Variants in TMEM154 observed in about 807,000 individuals in gnomAD.
The protein encoded by TMEM154 is transmembrane protein 154.
In TMEM154, 27 loss-of-function variants were observed where a neutral mutation model predicts 24.5. That is an observed-to-expected ratio of 1.10 (90% CI 0.81 to 1.52). The LOEUF is 1.52. TMEM154 is among the 40% of genes most tolerant of loss of function. TMEM154 has a pLI of 0.00. For missense variants in TMEM154, 228 were observed against 213.4 expected (o/e 1.07, Z -0.43); for synonymous variants, 67 against 76.8 (o/e 0.87, Z 0.67).
At chr4:152,628,853 G>T (rs1264675836) in intron 6 of TMEM154, among the ~76,000 whole-genome samples, 9 of 150,596 alleles carry the variant, frequency 6.0e-5, no homozygotes, top group South Asian at 4.2e-4. Context: ...CACCATGTTA[G>T]CCAGGATGGT....
At chr4:152,661,495 C>G (rs1191892945) in intron 1 of TMEM154, among the ~76,000 whole-genome samples, 1 of 152,112 alleles carries the variant, frequency 6.6e-6, no homozygotes, top group East Asian at 1.9e-4. Context: ...GAAACTGAAT[C>G]TTGAATGTCT....
chr4:152,674,787 G>C (rs569988019), intron 1 of TMEM154, among the ~76,000 whole-genome samples: 1 of 152,238 alleles, frequency 6.6e-6, no homozygotes, highest in South Asian at 2.1e-4. Context: ...AGATAATTTG[G>C]GGTTCTGTTA....
chr4:152,648,760 A>G lies in TMEM154; in HGVS notation c.364+3778T>C, dbSNP rs138009854. 8.4e-3 allele frequency among the ~76,000 whole-genome samples: 1,277 copies of G among 152,330 alleles called. 10 individuals are homozygous for G. Among genetic ancestry groups the G allele is most frequent in the Non-Finnish European group, 0.012 (802 of 68,028 alleles). ...CACAATGAAATTCAATGAAAAATCA[A>G]TTTCTGGATTTGGAGCCTAAGAGCC... On this transcript the variant is annotated intron_variant, in intron 3 of 6. Coordinates refer to ENST00000304385, the MANE Select transcript of TMEM154 (RefSeq NM_152680.3).
intron 5 of TMEM154, among the ~76,000 whole-genome samples, chr4:152,641,617 A>AGCAAGAAGAG (rs1200262686): frequency 6.6e-6 from 1 of 151,404 alleles, no homozygotes; most frequent in Non-Finnish European, 1.5e-5. Context: ...ACAACAACAT[A>AGCAAGAAGAG]GCAAGAAGAG....
chr4:152,628,721 C>T (rs1344038891), intron 6 of TMEM154, among the ~76,000 whole-genome samples, 160 bp from the exon 7 acceptor site: 9 of 150,030 alleles, frequency 6.0e-5, no homozygotes, highest in Non-Finnish European at 1.2e-4. Flanking sequence ...ACTGCAAGCT[C>T]CACCTCCCAG....
chr4:152,634,869 T>C (rs1752117990), intron 6 of TMEM154, among the ~76,000 whole-genome samples: 2 of 152,326 alleles, frequency 1.3e-5, no homozygotes, highest in African/African-American at 4.8e-5. Context: ...GCAAAATTGA[T>C]ATGTATTCAC....
intron 1 of TMEM154, chr4:152,668,569 T>C (rs1350966821): frequency 2.0e-5 from 3 of 152,126 alleles, no homozygotes; most frequent in African/African-American, 7.2e-5. Context: ...CGCATCCCAC[T>C]CCTTGCTCGG....
At chr4:152,665,671 G>T (rs540151809) in intron 1 of TMEM154, among the ~76,000 whole-genome samples, 8 of 152,154 alleles carry the variant, frequency 5.3e-5, no homozygotes, top group African/African-American at 1.9e-4. Flanking sequence ...TTAAGACAGC[G>T]GTCCTCAAAC....
intron 1 of TMEM154, among the ~76,000 whole-genome samples, chr4:152,679,611 C>A (rs1053813677): frequency 6.6e-6 from 1 of 151,988 alleles, no homozygotes; most frequent in Non-Finnish European, 1.5e-5. Context: ...ATTACAGGGA[C>A]GCACACTTCC....
At chr4:152,644,360 C>T in intron 4 of TMEM154, 55 bp downstream of exon 4, 1 of 1,594,600 alleles carries the variant, frequency 6.3e-7, no homozygotes, top group Non-Finnish European at 8.6e-7. Flanking sequence ...AGCTGTCCAC[C>T]TTAACAGTTG....
At chr4:152,662,920 T>C (rs1018781577) in intron 1 of TMEM154, among the ~76,000 whole-genome samples, 7 of 152,048 alleles carry the variant, frequency 4.6e-5, no homozygotes, top group Non-Finnish European at 4.4e-5. Context: ...GACATAACCA[T>C]AGCATCGTGG....
At chr4:152,644,867 C>T (rs968593048) in intron 3 of TMEM154, among the ~76,000 whole-genome samples, 1 of 152,148 alleles carries the variant, frequency 6.6e-6, no homozygotes, top group East Asian at 1.9e-4. Context: ...TGACACTGTG[C>T]CTCACTCCTG....
In TMEM154 at chr4:152,652,652, A is replaced by G. The variant is rs375388700; in HGVS notation, c.325+15T>C. 6.2e-7 allele frequency: 1 copy of G among 1,613,434 alleles called. No individual in the cohort carries two copies. The highest frequency in any genetic ancestry group is 8.5e-7 in the Non-Finnish European group (1 of 1,179,808). On this transcript the variant is annotated intron_variant, in intron 2 of 6. Transcript: ENST00000304385. ...GAAGCAATTTTCTGGAAATGGAAATACACCAAATATTTACCTTGTTTAGTT... is the reference window on the plus strand; with the variant it reads ...GAAGCAATTTTCTGGAAATGGAAATGCACCAAATATTTACCTTGTTTAGTT...
intron 6 of TMEM154, among the ~76,000 whole-genome samples, chr4:152,636,506 C>T (rs1426456154): frequency 1.3e-5 from 2 of 152,236 alleles, no homozygotes; most frequent in Non-Finnish European, 2.9e-5. Context: ...TTGTACATCT[C>T]TGGTCCTTAT....
chr4:152,642,672 G>T (rs1025171438), intron 5 of TMEM154, among the ~76,000 whole-genome samples: 1 of 152,004 alleles, frequency 6.6e-6, no homozygotes, highest in East Asian at 1.9e-4. Context: ...GCCACATTTG[G>T]TGATTATCTA....
chr4:152,656,850 G>A (rs956073207), intron 1 of TMEM154, among the ~76,000 whole-genome samples: 80 of 152,084 alleles, frequency 5.3e-4, no homozygotes, highest in Non-Finnish European at 1.6e-4. Flanking sequence ...GAACCTGGGA[G>A]GTGGAGGTTG....
At chr4:152,637,531 A>G (rs13134422) in intron 6 of TMEM154, among the ~76,000 whole-genome samples, 17,392 of 152,016 alleles carry the variant, frequency 0.11, 1,380 homozygotes, top group African/African-American at 0.22. Flanking sequence ...GGCAACAAGA[A>G]TGAAACTCAG....
chr4:152,643,877 C>T (rs1490136808), intron 4 of TMEM154, among the ~76,000 whole-genome samples: 2 of 152,062 alleles, frequency 1.3e-5, no homozygotes, highest in Non-Finnish European at 2.9e-5. Flanking sequence ...CCAGAACATG[C>T]TTCTGAGTGG....
intron 6 of TMEM154, among the ~76,000 whole-genome samples, chr4:152,636,474 A>G (rs1752151434): frequency 6.6e-6 from 1 of 152,250 alleles, no homozygotes; most frequent in African/African-American, 2.4e-5. Flanking sequence ...TGAAAACCAT[A>G]GTGTCCACTT....
Sources: allele counts gnomAD v4.1 joint callset (sites outside exome capture counted in the v4.1 genomes callset), GRCh38; gene constraint gnomAD v4.1.1; transcripts MANE v1.5; gene names NCBI Gene and HGNC (gene_info 2026-07-23, HGNC 2026-07-21).